BCAS4: variants seen among roughly 807,000 people sequenced by gnomAD.
The protein encoded by BCAS4 is breast carcinoma amplified sequence 4.
In BCAS4, 9 loss-of-function variants were observed where a neutral mutation model predicts 15.7. The observed-to-expected ratio is 0.57, with a 90% confidence interval of 0.34 to 1.00. BCAS4 has a LOEUF of 1.00. Ranked by LOEUF, BCAS4 falls within the 50% of genes least tolerant of loss-of-function variation. BCAS4 has a pLI of 0.02. For synonymous variants in BCAS4, 101 were observed against 99.5 expected, an observed-to-expected ratio of 1.02 and a Z score of -0.09; for missense variants, 225 against 239.1, an observed-to-expected ratio of 0.94 and a Z score of 0.39.
intron 4 of BCAS4, among the ~76,000 whole-genome samples, chr20:50,875,321 C>G (rs543546775): frequency 5.3e-5 from 8 of 152,192 alleles, no homozygotes; most frequent in African/African-American, 1.9e-4. Context: ...GTGAGCGGCT[C>G]GATGGGAAAT....
Position 50,818,267 on chromosome 20 carries a change from C to T in BCAS4, c.147C>T (p.Cys49=). The change falls in exon 2 of 5, where the codon TGC becomes TGT. Residue 49 remains cysteine, a synonymous_variant. Transcript: ENST00000371608. ...TGCTCCTCAGGCTGGAAGAGTTTTG[C>T]AGCCTGGCTGACCTGGTGAGTGGCT... is the stretch of plus-strand genomic sequence containing the variant. ...EGMLLRLEEF[C]SLADLIRSDT... 4 of 1,570,694 alleles carry T rather than the reference C, an allele frequency of 2.5e-6. No individual in the cohort carries two copies. Among genetic ancestry groups the T allele is most frequent in the Non-Finnish European group, 3.4e-6 (4 of 1,160,296 alleles).
chr20:50,857,709 C>T (rs1165792942), intron 4 of BCAS4, among the ~76,000 whole-genome samples: 1 of 152,316 alleles, frequency 6.6e-6, no homozygotes, highest in East Asian at 1.9e-4. Flanking sequence ...CTGTGACCCC[C>T]ACCTCCACTT....
intron 4 of BCAS4, among the ~76,000 whole-genome samples, chr20:50,853,900 C>T (rs1202819822): frequency 2.0e-5 from 3 of 151,822 alleles, no homozygotes; most frequent in Non-Finnish European, 4.4e-5. Context: ...GGTGTTTTGC[C>T]GCATCTCTAG....
At chr20:50,862,182 C>T (rs181142978) in intron 4 of BCAS4, among the ~76,000 whole-genome samples, 3 of 151,822 alleles carry the variant, frequency 2.0e-5, no homozygotes. Context: ...CTCTCTTCCC[C>T]ACTTCCCCTC....
At chr20:50,832,666 G>GAGAA (rs558189911) in intron 3 of BCAS4, 51 of 152,458 alleles carry the variant, frequency 3.3e-4, no homozygotes, top group African/African-American at 1.0e-3. Context: ...AGGCTCTGGG[G>GAGAA]AGAATCTTTG....
chr20:50,801,319 G>T (rs927872062), intron 1 of BCAS4, among the ~76,000 whole-genome samples: 1 of 152,104 alleles, frequency 6.6e-6, no homozygotes, highest in African/African-American at 2.4e-5. Flanking sequence ...CCAGGTAGTT[G>T]TGTGGCTGAG....
chr20:50,807,316 C>T (rs1323230702), intron 1 of BCAS4, among the ~76,000 whole-genome samples: 1 of 152,054 alleles, frequency 6.6e-6, no homozygotes, highest in African/African-American at 2.4e-5. Flanking sequence ...CCCCAGCCTC[C>T]CAAGTAGCTG....
At chr20:50,869,400 T>G (rs1436192626) in intron 4 of BCAS4, among the ~76,000 whole-genome samples, 1 of 152,164 alleles carries the variant, frequency 6.6e-6, no homozygotes, top group African/African-American at 2.4e-5. Flanking sequence ...GATCCCAGCC[T>G]GTGAGTACAG....
intron 3 of BCAS4, among the ~76,000 whole-genome samples, chr20:50,832,263 C>CTT (rs796347635): frequency 6.9e-5 from 10 of 145,208 alleles, no homozygotes; most frequent in Non-Finnish European, 1.2e-4. Flanking sequence ...AAACAACACA[C>CTT]TTTTTTTTTT....
At chr20:50,879,039 T>C (rs1354779139), downstream of BCAS4, 1 of 151,656 alleles carries the variant, frequency 6.6e-6, no homozygotes, top group Non-Finnish European at 1.5e-5. Context: ...ACACGGGATG[T>C]GTACCTACGG....
downstream of BCAS4, chr20:50,880,312 CA>C (rs1180145467): frequency 6.6e-6 from 1 of 152,288 alleles, no homozygotes; most frequent in Admixed American, 6.5e-5. Flanking sequence ...CCCCTAACCT[CA>C]GTCCTCTGAG....
chr20:50,816,732 C>T (rs1220493996), intron 1 of BCAS4, among the ~76,000 whole-genome samples: 1 of 150,916 alleles, frequency 6.6e-6, no homozygotes, highest in East Asian at 1.9e-4. Flanking sequence ...TCACTGCTTA[C>T]TGCAGCCTCA....
chr20:50,832,128 C>A (rs971417860), intron 3 of BCAS4, among the ~76,000 whole-genome samples: 10 of 152,118 alleles, frequency 6.6e-5, no homozygotes, highest in Non-Finnish European at 1.5e-4. Flanking sequence ...AGGGTATTAC[C>A]ATATCAGCCT....
At chr20:50,805,590 G>T (rs2087979397) in intron 1 of BCAS4, among the ~76,000 whole-genome samples, 1 of 152,158 alleles carries the variant, frequency 6.6e-6, no homozygotes, top group South Asian at 2.1e-4. Context: ...ACCCCTCCCT[G>T]TTGTCTCCCT....
At chr20:50,876,047 T>G (rs1194753605) in intron 4 of BCAS4, 1 of 455,714 alleles carries the variant, frequency 2.2e-6, no homozygotes, top group South Asian at 1.5e-5. Flanking sequence ...GCCTCCCGGG[T>G]TCAAGTGATT....
At chr20:50,878,549 G>A (rs971411670), downstream of BCAS4, 2 of 151,892 alleles carry the variant, frequency 1.3e-5, no homozygotes, top group Non-Finnish European at 2.9e-5. Context: ...GGAGTGCAGT[G>A]GTGTGATCAT....
At chr20:50,858,174 C>T (rs1449894626) in intron 4 of BCAS4, among the ~76,000 whole-genome samples, 3 of 152,122 alleles carry the variant, frequency 2.0e-5, no homozygotes, top group African/African-American at 4.8e-5. Context: ...TCCAGGAACC[C>T]CTTTCAGTTA....
At chr20:50,828,357 C>T (rs979092397) in intron 2 of BCAS4, among the ~76,000 whole-genome samples, 6 of 151,970 alleles carry the variant, frequency 3.9e-5, no homozygotes, top group African/African-American at 7.2e-5. Context: ...CTCGGGAAAC[C>T]GAGGGCAAGG....
chr20:50,858,532 C>G (rs1978888271), intron 4 of BCAS4, among the ~76,000 whole-genome samples: 1 of 152,090 alleles, frequency 6.6e-6, no homozygotes, highest in East Asian at 1.9e-4. Context: ...AAACCAAGAG[C>G]CAGAGGTTGC....
Sources: allele counts gnomAD v4.1 joint callset (sites outside exome capture counted in the v4.1 genomes callset), GRCh38; gene constraint gnomAD v4.1.1; transcripts MANE v1.5; gene names NCBI Gene and HGNC (gene_info 2026-07-23, HGNC 2026-07-21).